KNDC1: variants seen among roughly 807,000 people sequenced by gnomAD.
The protein encoded by KNDC1 is kinase non-catalytic C-lobe domain-containing protein 1.
In KNDC1, 106 loss-of-function variants were observed where a neutral mutation model predicts 172.8. The observed-to-expected ratio is 0.61, with a 90% confidence interval of 0.52 to 0.72. The LOEUF is 0.72. KNDC1 is among the 30% of genes least tolerant of loss of function. The pLI, the probability that KNDC1 is intolerant of heterozygous loss-of-function variation, is 0.00. For synonymous variants in KNDC1, 1,083 were observed against 1,062.2 expected, an observed-to-expected ratio of 1.02 and a Z score of -0.38; for missense variants, 2,325 against 2,394.5, an observed-to-expected ratio of 0.97 and a Z score of 0.61.
chr10:133,209,945 G>A lies in KNDC1; in HGVS notation c.3795-666G>A, dbSNP rs1845322425. On this transcript the variant is annotated intron_variant, in intron 20 of 29. Transcript: ENST00000304613. The surrounding 1 kb of genome is among the most constrained non-coding windows in gnomAD (Gnocchi z 4.9). ...CCCTGGTCAGTGTCTCCTGAGGGTG[G>A]CGCGGTTTCACCCAGTGAAGACCCA... Among the ~76,000 whole-genome samples the A allele has an allele frequency of 6.6e-6, 1 of 152,102 alleles. No homozygotes were observed. The highest frequency in any genetic ancestry group is 1.5e-5 in the Non-Finnish European group (1 of 68,014).
intron 24 of KNDC1, 109 bp from the exon 25 acceptor site, chr10:133,213,536 A>T (rs958108828): frequency 2.8e-5 from 24 of 871,830 alleles, no homozygotes; most frequent in Non-Finnish European, 3.5e-5. Context: ...TGAACCTGGG[A>T]TTGCAGAGCT....
At chr10:133,192,697 G>A (rs757520652) in intron 9 of KNDC1, among the ~76,000 whole-genome samples, 1 of 152,162 alleles carries the variant, frequency 6.6e-6, no homozygotes, top group Non-Finnish European at 1.5e-5. Flanking sequence ...AATAGAGAGG[G>A]CAGAGGAAAG....
chr10:133,217,971 A>G (rs1337249541), intron 26 of KNDC1, among the ~76,000 whole-genome samples: 2 of 148,196 alleles, frequency 1.3e-5, no homozygotes, highest in Non-Finnish European at 3.0e-5. Flanking sequence ...GAGGCAGGAG[A>G]ATCACTTGAA....
intron 10 of KNDC1, among the ~76,000 whole-genome samples, chr10:133,196,704 G>A (rs1295486652): frequency 6.6e-6 from 1 of 152,162 alleles, no homozygotes. Context: ...TGTGCACAAG[G>A]CCTGAGCTTA....
At position 133,185,893 on chromosome 10, in the gene KNDC1, T is replaced by TGGGAGGAGAGGGGAGGGGC. The variant is rs769701352; in HGVS notation, c.626-55_626-37dup. The TGGGAGGAGAGGGGAGGGGC allele has an allele frequency of 3.3e-4, 202 of 617,390 alleles. 1 individual carries two copies. Among genetic ancestry groups the TGGGAGGAGAGGGGAGGGGC allele is most frequent in the African/African-American group, 1.5e-3 (27 of 18,000 alleles). The allele number at this position is 617,390 out of a possible 1,614,324, so 38.2% of individuals were successfully genotyped here. A position where few individuals can be genotyped will look rare whatever the true frequency, so the allele number is the denominator to read the frequency against. ...GAGGGGTGGGAGGAGAGGGGAGGGGTGGGAGGAGAGGGGAGGGGCGGGAGG... is the reference window on the plus strand; with the variant it reads ...GAGGGGTGGGAGGAGAGGGGAGGGGTGGGAGGAGAGGGGAGGGGCGGGAGGAGAGGGGAGGGGCGGGAGG... On this transcript the variant is annotated intron_variant, in intron 5 of 29. Coordinates refer to ENST00000304613, the MANE Select transcript of KNDC1 (RefSeq NM_152643.8).
At chr10:133,196,819 A>G (rs945049693) in intron 10 of KNDC1, among the ~76,000 whole-genome samples, 6 of 152,188 alleles carry the variant, frequency 3.9e-5, no homozygotes, top group African/African-American at 1.2e-4. Context: ...TCTGTGGCCA[A>G]CGCTGGGTTT....
At chr10:133,169,022 G>A (rs542885689) in intron 3 of KNDC1, among the ~76,000 whole-genome samples, 3 of 152,256 alleles carry the variant, frequency 2.0e-5, no homozygotes, top group African/African-American at 4.8e-5. Flanking sequence ...CGGGCAGGGA[G>A]TGGCCCATTG....
chr10:133,195,383 G>A (rs1448047802), intron 9 of KNDC1, among the ~76,000 whole-genome samples: 1 of 152,212 alleles, frequency 6.6e-6, no homozygotes, highest in Non-Finnish European at 1.5e-5. Context: ...GAGGAGAGTG[G>A]AAGGTGGGAA....
intron 26 of KNDC1, 70 bp from the exon 27 acceptor site, chr10:133,218,761 C>T (rs1845520378): frequency 6.4e-7 from 1 of 1,552,596 alleles, no homozygotes; most frequent in Non-Finnish European, 8.7e-7. Flanking sequence ...GTGATTTTAA[C>T]AGGTTCTCAA....
chr10:133,166,692 G>A (rs569238788), intron 1 of KNDC1, among the ~76,000 whole-genome samples: 5 of 152,080 alleles, frequency 3.3e-5, no homozygotes, highest in East Asian at 1.9e-4. Context: ...ATGGGGATGC[G>A]TGTGTCTGTG....
intron 26 of KNDC1, 92 bp from the exon 27 acceptor site, chr10:133,218,739 T>G (rs1845519795): frequency 2.0e-6 from 3 of 1,482,092 alleles, no homozygotes; most frequent in South Asian, 2.5e-5. Flanking sequence ...CGCTCTTGTG[T>G]CTTGGAGCTG....
chr10:133,173,070 T>A (rs1474132157), intron 3 of KNDC1, among the ~76,000 whole-genome samples: 1 of 152,222 alleles, frequency 6.6e-6, no homozygotes, highest in Non-Finnish European at 1.5e-5. Flanking sequence ...CTGCTTTTTA[T>A]GTTTGTGAAA....
At chr10:133,169,316 C>T (rs796846458) in intron 3 of KNDC1, among the ~76,000 whole-genome samples, 15 of 152,190 alleles carry the variant, frequency 9.9e-5, no homozygotes, top group Admixed American at 1.3e-4. Context: ...AAAAGTTAGC[C>T]GGATGCAGTG....
chr10:133,206,812 G>C (rs768158756), intron 18 of KNDC1, 34 bp downstream of exon 18: 39 of 1,613,198 alleles, frequency 2.4e-5, no homozygotes, highest in South Asian at 6.6e-5. Context: ...CCGAGACCCT[G>C]GCTGCAGGCA....
chr10:133,217,943 C>T (rs1482603628), intron 26 of KNDC1, among the ~76,000 whole-genome samples: 1 of 152,098 alleles, frequency 6.6e-6, no homozygotes, highest in Non-Finnish European at 1.5e-5. Context: ...GCCTGTAATC[C>T]CAGCACTTTG....
chr10:133,206,593 C>T, intron 17 of KNDC1, 92 bp from the exon 18 acceptor site: 2 of 1,052,518 alleles, frequency 1.9e-6, no homozygotes, highest in South Asian at 2.6e-5. Flanking sequence ...TCTCCAAGGC[C>T]AAGGAGGCCC....
chr10:133,189,381 G>A (rs1473948955), intron 7 of KNDC1, among the ~76,000 whole-genome samples: 1 of 152,206 alleles, frequency 6.6e-6, no homozygotes, highest in Non-Finnish European at 1.5e-5. Flanking sequence ...TGTGTCGGCT[G>A]GGGCAGCGCT....
At chr10:133,183,055 TGAG>T (rs764608498) in intron 3 of KNDC1, among the ~76,000 whole-genome samples, 22 of 138,068 alleles carry the variant, frequency 1.6e-4, no homozygotes, top group African/African-American at 3.8e-4. Flanking sequence ...TGGGTACAAG[TGAG>T]GAGGGTGTGG....
intron 21 of KNDC1, 116 bp downstream of exon 21, chr10:133,210,840 G>A: frequency 1.2e-6 from 1 of 869,518 alleles, no homozygotes. Flanking sequence ...ACCCAAGGGG[G>A]TGAGGGGCCA....
Sources: allele counts gnomAD v4.1 joint callset (sites outside exome capture counted in the v4.1 genomes callset), GRCh38; gene constraint gnomAD v4.1.1; non-coding constraint Gnocchi (gnomAD v3.1); transcripts MANE v1.5; gene names NCBI Gene and HGNC (gene_info 2026-07-23, HGNC 2026-07-21).